The following PCSK5 variants were observed in gnomAD, a reference collection of about 807,000 sequenced individuals.
PCSK5 encodes prohormone convertase 5.
A neutral mutation model predicts 233.2 loss-of-function variants in PCSK5; 129 were observed. The observed-to-expected ratio is 0.55, with a 90% CI of 0.48 to 0.64. PCSK5 has a LOEUF of 0.64. PCSK5 is among the 30% of genes least tolerant of loss of function. The pLI is 0.00. For synonymous variants in PCSK5, 825 were observed against 879.2 expected, an observed-to-expected ratio of 0.94 and a Z score of 1.09; for missense variants, 2,076 against 2,430.1, an observed-to-expected ratio of 0.85 and a Z score of 3.06.
rs145173408 is a variant in PCSK5 at position 75,910,744 on chromosome 9, C to T, written c.192+19371C>T. On this transcript the variant is annotated intron_variant, in intron 1 of 37. Coordinates refer to ENST00000674117, the MANE Select transcript of PCSK5 (RefSeq NM_001372043.1). ...CCAATAGCACTTGCTTGTGCCTTCG[C>T]TGAGGGCCACATTGTGCTTCCAGAA... Among the ~76,000 whole-genome samples the T allele has an allele frequency of 3.9e-5, 6 of 152,254 alleles. No homozygotes were observed. The East Asian group carries it at 9.7e-4, about 25-fold the overall frequency.
chr9:76,065,103 CATAAGTGTGCA>C (rs1331667019), intron 5 of PCSK5, among the ~76,000 whole-genome samples: 2 of 152,224 alleles, frequency 1.3e-5, no homozygotes, highest in African/African-American at 4.8e-5. Context: ...CTGCAGTAAA[CATAAGTGTGCA>C]GATATCTTTT....
chr9:76,077,534 T>C (rs963925231), intron 7 of PCSK5, among the ~76,000 whole-genome samples: 4 of 152,058 alleles, frequency 2.6e-5, no homozygotes, highest in African/African-American at 9.7e-5. Context: ...CAGCAGCTAG[T>C]TTTTCAACCC....
intron 9 of PCSK5, among the ~76,000 whole-genome samples, chr9:76,118,242 C>T (rs1489023983): frequency 6.6e-6 from 1 of 151,924 alleles, no homozygotes; most frequent in African/African-American, 2.4e-5. Flanking sequence ...TGAGAGTGTT[C>T]AGGGGTCACC....
chr9:76,060,000 T>G lies in PCSK5; in HGVS notation c.633-7955T>G, dbSNP rs150565704. On this transcript the variant is annotated intron_variant, in intron 5 of 37. Coordinates refer to ENST00000674117, the MANE Select transcript of PCSK5 (RefSeq NM_001372043.1). ...AGTAAAAAGTTATTTTCTGAAGACTTTCAAGAGCCAAAAGACTTTCTCAAA... is the reference window on the plus strand; with the variant it reads ...AGTAAAAAGTTATTTTCTGAAGACTGTCAAGAGCCAAAAGACTTTCTCAAA... Among the ~76,000 whole-genome samples, 237 of 152,284 alleles carry G rather than the reference T, an allele frequency of 1.6e-3. 1 individual carries two copies. Among genetic ancestry groups the G allele is most frequent in the African/African-American group, 5.2e-3 (216 of 41,578 alleles).
chr9:76,261,405 A>G (rs1389465210), intron 24 of PCSK5, among the ~76,000 whole-genome samples: 1 of 152,240 alleles, frequency 6.6e-6, no homozygotes, highest in Non-Finnish European at 1.5e-5. Context: ...CTAAGAACTG[A>G]AAAATGACTC....
At chr9:76,290,536 C>A (rs548865673) in intron 24 of PCSK5, among the ~76,000 whole-genome samples, 4 of 152,308 alleles carry the variant, frequency 2.6e-5, no homozygotes, top group African/African-American at 9.6e-5. Flanking sequence ...TTGTTCAACT[C>A]TTCCAATTAA....
intron 7 of PCSK5, among the ~76,000 whole-genome samples, chr9:76,081,007 T>C (rs548887064): frequency 2.4e-4 from 37 of 152,234 alleles, no homozygotes; most frequent in African/African-American, 8.2e-4. Flanking sequence ...CCTATGTAAG[T>C]GGGAAAAATA....
chr9:76,149,111 A>G (rs548254757), intron 10 of PCSK5, among the ~76,000 whole-genome samples: 1 of 152,344 alleles, frequency 6.6e-6, no homozygotes, highest in Non-Finnish European at 1.5e-5. Context: ...CCCTACTGAC[A>G]TCCATTAAGC....
At chr9:75,891,402 C>T (rs780113358) in intron 1 of PCSK5, 29 bp downstream of exon 1, 32 of 1,527,026 alleles carry the variant, frequency 2.1e-5, no homozygotes, top group South Asian at 2.0e-4. Flanking sequence ...GCCCAGCCCT[C>T]GGCCCTGAAG....
At chr9:76,255,919 C>T (rs60600953) in intron 24 of PCSK5, among the ~76,000 whole-genome samples, 3,590 of 152,226 alleles carry the variant, frequency 0.024, 134 homozygotes, top group African/African-American at 0.081. Flanking sequence ...CCTAAAGTTA[C>T]ACAGCTAGCA....
chr9:76,294,194 CAA>C (rs11415964), intron 25 of PCSK5, among the ~76,000 whole-genome samples: 4,470 of 99,848 alleles, frequency 0.045, 201 homozygotes, highest in African/African-American at 0.15. Context: ...GATTTAGTCT[CAA>C]AAAAAAAAAA....
chr9:76,022,070 G>A (rs1158735375), intron 3 of PCSK5, among the ~76,000 whole-genome samples: 1 of 152,144 alleles, frequency 6.6e-6, no homozygotes, highest in Non-Finnish European at 1.5e-5. Context: ...CACGTTTGCA[G>A]AGACTGGAGT....
At chr9:75,968,905 C>A (rs1034362077) in intron 2 of PCSK5, among the ~76,000 whole-genome samples, 1 of 152,050 alleles carries the variant, frequency 6.6e-6, no homozygotes, top group African/African-American at 2.4e-5. Context: ...TCGTTATGTA[C>A]ATTACCTACT....
At chr9:76,197,197 A>G (rs1359371635) in intron 20 of PCSK5, among the ~76,000 whole-genome samples, 1 of 152,190 alleles carries the variant, frequency 6.6e-6, no homozygotes, top group African/African-American at 2.4e-5. Flanking sequence ...AGTGATTCAA[A>G]ATTTGGTGGT....
intron 28 of PCSK5, among the ~76,000 whole-genome samples, chr9:76,303,904 G>A (rs1409228835): frequency 6.6e-6 from 1 of 152,176 alleles, no homozygotes; most frequent in Non-Finnish European, 1.5e-5. Context: ...GGCTGCAGTG[G>A]CTCACACCTG....
At chr9:76,299,523 T>G (rs1828541265) in intron 27 of PCSK5, among the ~76,000 whole-genome samples, 1 of 151,804 alleles carries the variant, frequency 6.6e-6, no homozygotes, top group African/African-American at 2.4e-5. Flanking sequence ...ACAAAAAAAA[T>G]TAGCCGGGCG....
chr9:76,194,585 G>C (rs1286539287), intron 20 of PCSK5: 1 of 319,470 alleles, frequency 3.1e-6, no homozygotes, highest in African/African-American at 2.3e-5. Context: ...TGAATGCTGA[G>C]ATGATCTGTT....
intron 1 of PCSK5, 23 bp downstream of exon 1, chr9:75,891,396 A>G: frequency 1.3e-6 from 2 of 1,533,744 alleles, no homozygotes; most frequent in Non-Finnish European, 1.7e-6. Context: ...AGGCTAGCCC[A>G]GCCCTCGGCC....
chr9:76,140,462 A>G (rs1823164247), intron 10 of PCSK5, among the ~76,000 whole-genome samples: 1 of 152,142 alleles, frequency 6.6e-6, no homozygotes, highest in South Asian at 2.1e-4. Flanking sequence ...TACCAAACAA[A>G]AAGAGTCTTA....
Sources: allele counts gnomAD v4.1 joint callset (sites outside exome capture counted in the v4.1 genomes callset), GRCh38; gene constraint gnomAD v4.1.1; transcripts MANE v1.5; gene names NCBI Gene and HGNC (gene_info 2026-07-23, HGNC 2026-07-21).